The following RIMS3 variants were observed in gnomAD, a reference collection of about 807,000 sequenced individuals.
RIMS3 encodes regulating synaptic membrane exocytosis protein 3.
A neutral mutation model predicts 29.2 loss-of-function variants in RIMS3; 15 were observed. The observed-to-expected ratio is 0.51, with a 90% CI of 0.34 to 0.79. RIMS3 has a LOEUF of 0.79. Ranked by LOEUF, RIMS3 falls within the 30% of genes least tolerant of loss-of-function variation. The pLI, the probability that RIMS3 is intolerant of heterozygous loss-of-function variation, is 0.01. For missense variants in RIMS3, 342 were observed against 421.4 expected, an observed-to-expected ratio of 0.81 and a Z score of 1.65; for synonymous variants, 161 against 170.1, an observed-to-expected ratio of 0.95 and a Z score of 0.41.
At chr1:40,629,457 A>T (rs1228715808) in intron 5 of RIMS3, 85 bp from the exon 6 acceptor site, 1 of 1,080,816 alleles carries the variant, frequency 9.3e-7, no homozygotes, top group Non-Finnish European at 1.4e-6. Flanking sequence ...CAGCCTGTGG[A>T]GGAGGCTACA....
At chr1:40,665,258 C>T (rs1183370614) in intron 1 of RIMS3, 136 bp downstream of exon 1, 1 of 151,082 alleles carries the variant, frequency 6.6e-6, no homozygotes, top group African/African-American at 2.4e-5. Context: ...GTGTTCATCC[C>T]CCCACCCCCG....
chr1:40,655,679 C>G lies in RIMS3; in HGVS notation c.-206-7837G>C, dbSNP rs149228985. On this transcript the variant is annotated intron_variant, in intron 1 of 7. Transcript: ENST00000372684. ...CCAATTTTGCATTAAGTGCATAACA[C>G]TGTGTGTCACCTCAATGATTTCTGC... 8.5e-5 allele frequency among the ~76,000 whole-genome samples: 13 copies of G among 152,290 alleles called. No homozygotes were observed. In the East Asian group the frequency reaches 2.5e-3, roughly 29 times the overall value.
chr1:40,691,754 C>G, the RIMS3 span: 12 of 455,560 alleles, frequency 2.6e-5, no homozygotes, highest in South Asian at 1.9e-4. Context: ...GCGCGCGCTC[C>G]GTTCTCCGTG....
chr1:40,666,281 G>GC (rs1318156710), upstream of RIMS3, among the ~76,000 whole-genome samples: 2 of 152,110 alleles, frequency 1.3e-5, no homozygotes, highest in Non-Finnish European at 2.9e-5. Context: ...GGGCGATTTT[G>GC]CCCCCCAGGG....
In RIMS3 at chr1:40,635,327, C is replaced by A. The variant is rs1015286907; in HGVS notation, c.359+589G>T. ...TTTAACATCATGACCCAGGACAGACCTGTGTGCATCTATACATAAAAAATG... is the reference window on the plus strand; with the variant it reads ...TTTAACATCATGACCCAGGACAGACATGTGTGCATCTATACATAAAAAATG... On this transcript the variant is annotated intron_variant, in intron 4 of 7. Coordinates refer to ENST00000372684, the MANE Select transcript of RIMS3 (RefSeq NM_014747.3). This position sits in a 1 kb window ranked among gnomAD's most constrained non-coding sequence, Gnocchi z 4.1. Among the ~76,000 whole-genome samples the A allele has an allele frequency of 6.6e-6, 1 of 152,220 alleles. No individual in the cohort carries two copies. The highest frequency in any genetic ancestry group is 2.4e-5 in the African/African-American group (1 of 41,454).
At chr1:40,632,346 T>C (rs1018346411) in intron 5 of RIMS3, among the ~76,000 whole-genome samples, 2 of 150,148 alleles carry the variant, frequency 1.3e-5, no homozygotes, top group Non-Finnish European at 3.0e-5. Context: ...GCAGATCAAA[T>C]AGGGGACATG....
At position 40,624,115 on chromosome 1, in the gene RIMS3, C is replaced by G. The variant is rs1275603460; in HGVS notation, c.*2402G>C. 1.3e-5 allele frequency: 2 copies of G among 152,228 alleles called. No individual in the cohort carries two copies. Among genetic ancestry groups the G allele is most frequent in the African/African-American group, 4.8e-5 (2 of 41,440 alleles). The allele number at this position is 152,228 out of a possible 1,614,324, so 9.4% of individuals were successfully genotyped here. ...ACCCTTCCCCAGAGGCAAGGGTCAC[C>G]ACGGCCTGGAACCCCCAGTGGCAGG... On this transcript the variant is annotated 3_prime_UTR_variant, in exon 8 of 8. Transcript: ENST00000372684.
At chr1:40,685,297 T>A in the RIMS3 span, among the ~76,000 whole-genome samples, 1 of 18,080 alleles carries the variant, frequency 5.5e-5, no homozygotes, top group South Asian at 7.8e-4. Context: ...ATATATATAT[T>A]ATATATATTA....
intron 5 of RIMS3, among the ~76,000 whole-genome samples, chr1:40,629,700 C>A (rs1276193443): frequency 6.6e-6 from 1 of 152,128 alleles, no homozygotes; most frequent in Admixed American, 6.5e-5. Flanking sequence ...AACTTGAGGA[C>A]AGAGCTTCCT....
At chr1:40,676,401 G>A in the RIMS3 span, among the ~76,000 whole-genome samples, 2 of 152,190 alleles carry the variant, frequency 1.3e-5, no homozygotes, top group Admixed American at 1.3e-4. Flanking sequence ...TAGCGTGGTG[G>A]CTGGTTAAAG....
upstream of RIMS3, among the ~76,000 whole-genome samples, chr1:40,668,121 T>A (rs769909635): frequency 6.6e-6 from 1 of 151,832 alleles, no homozygotes; most frequent in Non-Finnish European, 1.5e-5. Context: ...TGTGGTGGCA[T>A]GCACCTGTAG....
At chr1:40,629,134 G>C (rs1646472769) in intron 6 of RIMS3, 137 bp downstream of exon 6, 1 of 1,056,700 alleles carries the variant, frequency 9.5e-7, no homozygotes, top group Non-Finnish European at 1.4e-6. Context: ...CCCCCACCTA[G>C]TCACTGGCCT....
intron 1 of RIMS3, among the ~76,000 whole-genome samples, chr1:40,648,185 T>TC (rs942702512): frequency 5.9e-5 from 9 of 152,102 alleles, no homozygotes; most frequent in Non-Finnish European, 1.3e-4. Context: ...TCTGTGTCCC[T>TC]CCCCAGACAC....
At chr1:40,649,470 C>T (rs1464876365) in intron 1 of RIMS3, among the ~76,000 whole-genome samples, 1 of 152,238 alleles carries the variant, frequency 6.6e-6, no homozygotes, top group Admixed American at 6.5e-5. Context: ...GGAAGAGCCC[C>T]ATGGCTCCGT....
At chr1:40,666,686 C>G (rs1251782964), upstream of RIMS3, among the ~76,000 whole-genome samples, 1 of 152,148 alleles carries the variant, frequency 6.6e-6, no homozygotes, top group African/African-American at 2.4e-5. Context: ...TTAATATTTG[C>G]TGGAGGCATG....
rs541695562 is a variant in RIMS3 at position 40,635,980 on chromosome 1, C to A, written c.295G>T (p.Val99Phe). The change falls in exon 4 of 8, where the codon GTC becomes TTC. Residue 99 changes from valine (V) to phenylalanine (F), a missense_variant. Physicochemically the swap from Val to Phe is conservative, Grantham distance 50. Coordinates refer to ENST00000372684, the MANE Select transcript of RIMS3 (RefSeq NM_014747.3). This position sits in a 1 kb window ranked among gnomAD's most constrained non-coding sequence, Gnocchi z 4.1. The stretch of plus-strand genomic sequence containing the variant: ...GACTCCCGGCTGCCCTGGCGTGTGA[C>A]CCGGCTCCGCATCTCCACCGCGATG... Reference protein sequence around the residue: ...TGIAVEMRSRVTRQGSRESTD... With the variant: ...TGIAVEMRSRFTRQGSRESTD... The A allele has an allele frequency of 3.1e-6, 5 of 1,611,042 alleles. No individual in the cohort carries two copies. The African/African-American group carries it at 6.7e-5, about 21-fold the overall frequency.
the RIMS3 span, among the ~76,000 whole-genome samples, chr1:40,671,244 TG>T: frequency 2.0e-5 from 3 of 152,060 alleles, no homozygotes; most frequent in Middle Eastern, 3.4e-3. Flanking sequence ...GCCTAGGCCT[TG>T]GGGGGGATGC....
the RIMS3 span, among the ~76,000 whole-genome samples, chr1:40,680,390 A>G: frequency 0.79 from 117,432 of 149,328 alleles, 46,667 homozygotes; most frequent in African/African-American, 0.9. Context: ...GGAGTGTGGT[A>G]GTGCAATCTT....
chr1:40,682,775 C>T, the RIMS3 span, among the ~76,000 whole-genome samples: 1 of 53,976 alleles, frequency 1.9e-5, no homozygotes, highest in African/African-American at 8.5e-5. Context: ...GAATCTTGCT[C>T]TGTCAACCAG....
Sources: allele counts gnomAD v4.1 joint callset (sites outside exome capture counted in the v4.1 genomes callset), GRCh38; gene constraint gnomAD v4.1.1; non-coding constraint Gnocchi (gnomAD v3.1); transcripts MANE v1.5; gene names NCBI Gene and HGNC (gene_info 2026-07-23, HGNC 2026-07-21).